NCSTN: variants seen among roughly 807,000 people sequenced by gnomAD.
NCSTN encodes nicastrin.
In NCSTN, 22 loss-of-function variants were observed where a neutral mutation model predicts 87.0. That is an observed-to-expected ratio of 0.25 (90% confidence interval 0.18 to 0.36). NCSTN has a LOEUF of 0.36. NCSTN is among the 10% of genes least tolerant of loss of function. NCSTN has a pLI of 1.00. For missense variants in NCSTN, 693 were observed against 883.3 expected (o/e 0.78, Z 2.73); for synonymous variants, 306 against 327.1 (o/e 0.94, Z 0.69).
intron 2 of NCSTN, among the ~76,000 whole-genome samples, chr1:160,345,811 T>C (rs923788922): frequency 6.6e-6 from 1 of 151,458 alleles, no homozygotes; most frequent in Non-Finnish European, 1.5e-5. Context: ...TGCTATGGCA[T>C]GCCTGTAGTC....
chr1:160,351,981 A>T, intron 7 of NCSTN, 73 bp from the exon 8 acceptor site: 3 of 1,572,848 alleles, frequency 1.9e-6, no homozygotes, highest in Non-Finnish European at 2.6e-6. Flanking sequence ...TATTCTCTTG[A>T]CTGGAGCAAG....
intron 2 of NCSTN, among the ~76,000 whole-genome samples, 156 bp from the exon 3 acceptor site, chr1:160,348,843 C>T (rs1648668740): frequency 6.6e-6 from 1 of 152,176 alleles, no homozygotes; most frequent in African/African-American, 2.4e-5. Context: ...TCAGATGGAG[C>T]TGGGGCAACA....
Position 160,356,615 on chromosome 1 carries a change from A to G in NCSTN, c.1655A>G (p.Gln552Arg), listed in dbSNP as rs116091697. Residue 552 changes from glutamine (Q) to arginine (R), a missense_variant, in exon 15 of 17, where the codon CAA (glutamine) becomes CGA (arginine). By Grantham distance (43) the Gln-to-Arg change is conservative (BLOSUM62 1). Transcript: ENST00000294785. ...LRSYLGDGPLQHYIAVSSPTN... is the reference protein window; with the variant it reads ...LRSYLGDGPLRHYIAVSSPTN... The stretch of plus-strand genomic sequence containing the variant: ...CTGCACTCAGGTGACGGGCCTCTTC[A>G]ACATTACATCGCTGTCTCCAGCCCC... 1 of 1,614,152 alleles carries G rather than the reference A, an allele frequency of 6.2e-7. No homozygotes were observed. The highest frequency in any genetic ancestry group is 8.5e-7 in the Non-Finnish European group (1 of 1,180,034).
rs141821509 is a variant in NCSTN, at chr1:160,356,691, A to G, written c.1731A>G (p.Thr577=). 29 of 1,614,126 alleles carry G rather than the reference A, an allele frequency of 1.8e-5. No individual in the cohort carries two copies. The highest frequency in any genetic ancestry group is 1.6e-4 in the Middle Eastern group (1 of 6,084). The change falls in exon 15 of 17, where the codon ACA becomes ACG. Residue 577 remains threonine, a synonymous_variant. Transcript: ENST00000294785. ...VQYALANLTG[T]VVNLTREQCQ... is the part of the protein sequence containing the mutation. ...ATGCCTTGGCAAATTTGACTGGCAC[A>G]GTGGTCAACCTCACCCGAGAGCAGT...
chr1:160,356,848 G>A, intron 15 of NCSTN, 94 bp downstream of exon 15: 2 of 1,536,086 alleles, frequency 1.3e-6, no homozygotes, highest in Non-Finnish European at 1.8e-6. Flanking sequence ...AGGGGATTGG[G>A]ATGGAGAGGT....
intron 6 of NCSTN, 103 bp from the exon 7 acceptor site, chr1:160,351,593 G>T: frequency 1.5e-6 from 2 of 1,296,738 alleles, no homozygotes; most frequent in South Asian, 2.4e-5. Context: ...TAGAGAAAAC[G>T]ACTTAGAGTC....
Position 160,344,727 on chromosome 1 carries a change from T to G in NCSTN, c.91T>G (p.Cys31Gly). 1 of 1,614,074 alleles carries G rather than the reference T, an allele frequency of 6.2e-7. No homozygotes were observed. Among genetic ancestry groups the G allele is most frequent in the Non-Finnish European group, 8.5e-7 (1 of 1,179,926 alleles). The part of the protein sequence containing the change: ...LSFCVLLAGL[C>G]RGNSVERKIY... ...ACTTTTTATCTTCCGATCAGGTTTG[T>G]GCAGGGGAAACTCAGTGGAGAGGAA... Residue 31 changes from cysteine to glycine, a missense_variant, in exon 2 of 17, where the codon TGC (cysteine) becomes GGC (glycine). By Grantham distance (159) the Cys-to-Gly change is radical (BLOSUM62 -3). Coordinates refer to ENST00000294785, the MANE Select transcript of NCSTN (RefSeq NM_015331.3).
At chr1:160,355,789 G>A in intron 12 of NCSTN, 32 bp downstream of exon 12, 2 of 1,605,000 alleles carry the variant, frequency 1.2e-6, no homozygotes, top group Non-Finnish European at 1.7e-6. Context: ...TGGGAGCCTG[G>A]GGCACACAGT....
At chr1:160,343,591 A>T in intron 1 of NCSTN, 110 bp downstream of exon 1, 1 of 977,402 alleles carries the variant, frequency 1.0e-6, no homozygotes, top group Non-Finnish European at 1.6e-6. Context: ...CTGTCCCCCC[A>T]CCCTGTAAAT....
chr1:160,356,478 T>C, intron 14 of NCSTN, 122 bp from the exon 15 acceptor site: 1 of 1,456,966 alleles, frequency 6.9e-7, no homozygotes, highest in Non-Finnish European at 9.6e-7. Flanking sequence ...CCTTTCTTTC[T>C]TCTCATATTT....
chr1:160,353,294 A>T, intron 10 of NCSTN, 57 bp downstream of exon 10: 2 of 1,612,394 alleles, frequency 1.2e-6, no homozygotes, highest in Non-Finnish European at 1.7e-6. Flanking sequence ...CCAGACCCCA[A>T]CCCCTGCCCT....
intron 11 of NCSTN, among the ~76,000 whole-genome samples, chr1:160,355,248 TAATC>T (rs773724587): frequency 4.6e-5 from 7 of 152,180 alleles, no homozygotes; most frequent in Non-Finnish European, 8.8e-5. Context: ...TAAGACCTGC[TAATC>T]ACCTCCTGCT....
At chr1:160,350,010 T>C in intron 4 of NCSTN, 95 bp from the exon 5 acceptor site, 1 of 1,461,048 alleles carries the variant, frequency 6.8e-7, no homozygotes, top group Admixed American at 1.7e-5. Flanking sequence ...TTTTGAACTC[T>C]TAGTCCCAAC....
chr1:160,353,070 AC>A (rs1177050236), intron 9 of NCSTN, 79 bp downstream of exon 9: 1 of 1,572,810 alleles, frequency 6.4e-7, no homozygotes, highest in Non-Finnish European at 8.8e-7. Flanking sequence ...AACTGCAGGA[AC>A]CACCGCCTCT....
At chr1:160,347,212 T>G (rs1049004893) in intron 2 of NCSTN, among the ~76,000 whole-genome samples, 8 of 152,244 alleles carry the variant, frequency 5.3e-5, no homozygotes, top group African/African-American at 1.7e-4. Flanking sequence ...TTCAACCTAC[T>G]TATTTCCAAA....
chr1:160,344,920 C>T (rs1648378705), intron 2 of NCSTN, 94 bp downstream of exon 2: 4 of 1,050,054 alleles, frequency 3.8e-6, no homozygotes, highest in African/African-American at 1.6e-5. Context: ...AGATTTGACA[C>T]TTATATTGGA....
intron 5 of NCSTN, 133 bp from the exon 6 acceptor site, chr1:160,351,089 G>C (rs1247813532): frequency 2.2e-6 from 2 of 913,268 alleles, no homozygotes; most frequent in Non-Finnish European, 3.6e-6. Flanking sequence ...GATAACTATA[G>C]CTCAGGGATA....
intron 2 of NCSTN, among the ~76,000 whole-genome samples, chr1:160,348,715 A>G (rs1375698318): frequency 1.3e-5 from 2 of 152,218 alleles, no homozygotes; most frequent in Non-Finnish European, 2.9e-5. Context: ...GTAGAATCTT[A>G]TGTATATGGC....
intron 2 of NCSTN, chr1:160,345,150 A>G (rs553040694): frequency 1.1e-4 from 44 of 406,234 alleles, no homozygotes; most frequent in East Asian, 5.5e-4. Flanking sequence ...CATACTGGTA[A>G]TAAGTGATGA....
Sources: allele counts gnomAD v4.1 joint callset (sites outside exome capture counted in the v4.1 genomes callset), GRCh38; gene constraint gnomAD v4.1.1; transcripts MANE v1.5; gene names NCBI Gene and HGNC (gene_info 2026-07-23, HGNC 2026-07-21).